Variants in OR3A2 observed in about 807,000 individuals in gnomAD.
OR3A2 encodes the protein olfactory receptor 3A2.
For synonymous variants in OR3A2, 126 were observed against 159.3 expected (o/e 0.79, Z 1.57); for missense variants, 318 against 392.8 (o/e 0.81, Z 1.61).
intron 3 of OR3A2, among the ~76,000 whole-genome samples, chr17:3,308,086 G>A (rs563759675): frequency 1.3e-5 from 2 of 152,254 alleles, no homozygotes; most frequent in Admixed American, 1.3e-4. Context: ...AATGAATTTT[G>A]CCATATTGAA....
chr17:3,278,338 T>C, exon 2 of OR3A2: 1 of 1,614,212 alleles, frequency 6.2e-7, no homozygotes. Flanking sequence ...AGTTGGGTGC[T>C]GGAGCAGGAG....
intron 2 of OR3A2, among the ~76,000 whole-genome samples, chr17:3,378,944 A>G (rs978031627): frequency 3.9e-5 from 6 of 152,164 alleles, no homozygotes; most frequent in African/African-American, 1.4e-4. Flanking sequence ...TGAAAGAATC[A>G]TCAGTTTACT....
At chr17:3,374,961 T>C (rs1048612133) in intron 2 of OR3A2, among the ~76,000 whole-genome samples, 1 of 152,040 alleles carries the variant, frequency 6.6e-6, no homozygotes, top group African/African-American at 2.4e-5. Flanking sequence ...CATACAATGT[T>C]TGGTTTTCTA....
chr17:3,280,507 G>A (rs992432308), intron 1 of OR3A2, among the ~76,000 whole-genome samples: 1 of 152,054 alleles, frequency 6.6e-6, no homozygotes, highest in African/African-American at 2.4e-5. Flanking sequence ...CTCCTGACCT[G>A]GTGATCCGCC....
Position 3,292,664 on chromosome 17 carries a change from C to T in OR3A2, c.-84-13511G>A, listed in dbSNP as rs1413490155. 3.2e-6 allele frequency: 4 copies of T among 1,268,060 alleles called. No individual in the cohort carries two copies. In the South Asian group the frequency reaches 4.5e-5, roughly 14 times the overall value. The allele number at this position is 1,268,060 out of a possible 1,614,324, so 78.6% of individuals were successfully genotyped here. ...TTTACTCAAGAAAAAGAAACAGACC[C>T]CCTTCTACTTGCCCGGCCCTCTGCC... On this transcript the variant is annotated intron_variant, in intron 3 of 4. Transcript: ENST00000573491.
intron 2 of OR3A2, among the ~76,000 whole-genome samples, chr17:3,341,477 A>G (rs971377893): frequency 1.3e-5 from 2 of 152,170 alleles, no homozygotes; most frequent in Non-Finnish European, 2.9e-5. Flanking sequence ...AAAATCTCTC[A>G]GCATTTGCTT....
chr17:3,342,614 A>G (rs970404473), intron 2 of OR3A2, among the ~76,000 whole-genome samples: 2 of 152,210 alleles, frequency 1.3e-5, no homozygotes, highest in Non-Finnish European at 2.9e-5. Context: ...CAAATATTGC[A>G]GAACAGCAAA....
At chr17:3,277,962 A>G in exon 2 of OR3A2, 2 of 1,585,826 alleles carry the variant, frequency 1.3e-6, no homozygotes, top group Non-Finnish European at 1.7e-6. Flanking sequence ...GAGGGACCCC[A>G]TTACCTCTCA....
chr17:3,355,670 T>A (rs1377545884), intron 2 of OR3A2, among the ~76,000 whole-genome samples: 1 of 151,412 alleles, frequency 6.6e-6, no homozygotes, highest in East Asian at 1.9e-4. Context: ...TGGCATGGAA[T>A]CTTTTTCCAT....
intron 2 of OR3A2, among the ~76,000 whole-genome samples, chr17:3,360,637 G>T (rs1638538636): frequency 6.6e-6 from 1 of 151,590 alleles, no homozygotes; most frequent in African/African-American, 2.4e-5. Context: ...TCTACATATG[G>T]CTAGCCAGTT....
intron 2 of OR3A2, among the ~76,000 whole-genome samples, chr17:3,374,515 T>C (rs923822018): frequency 6.6e-6 from 1 of 152,212 alleles, no homozygotes; most frequent in Non-Finnish European, 1.5e-5. Context: ...TCAGATTGTG[T>C]TAATTTGAAA....
chr17:3,296,767 G>C (rs1242075494), intron 3 of OR3A2, among the ~76,000 whole-genome samples: 1 of 152,020 alleles, frequency 6.6e-6, no homozygotes, highest in African/African-American at 2.4e-5. Context: ...ATTACTATGG[G>C]AAAAAGATAC....
intron 3 of OR3A2, among the ~76,000 whole-genome samples, chr17:3,318,750 T>C (rs534046851): frequency 1.9e-4 from 29 of 152,328 alleles, no homozygotes; most frequent in Middle Eastern, 6.8e-3. Context: ...TCCACAGCTA[T>C]TTCCCTAAAT....
intron 3 of OR3A2, among the ~76,000 whole-genome samples, chr17:3,325,336 A>G (rs1267054748): frequency 6.6e-6 from 1 of 150,754 alleles, no homozygotes; most frequent in African/African-American, 2.4e-5. Context: ...CAGCCTCCTG[A>G]GTAGCTGGGA....
chr17:3,349,446 T>C (rs986650602), intron 2 of OR3A2, among the ~76,000 whole-genome samples: 29 of 151,746 alleles, frequency 1.9e-4, no homozygotes, highest in African/African-American at 4.1e-4. Flanking sequence ...GGCCATTACA[T>C]AATGGTAAAG....
intron 2 of OR3A2, among the ~76,000 whole-genome samples, chr17:3,369,355 T>C (rs781597064): frequency 6.6e-6 from 1 of 152,174 alleles, no homozygotes; most frequent in Non-Finnish European, 1.5e-5. Flanking sequence ...CCGTTCAGTA[T>C]AATGTTGGCT....
chr17:3,320,138 G>A lies in OR3A2; in HGVS notation c.-85+15895C>T, dbSNP rs1342755052. Among the ~76,000 whole-genome samples, 6 of 152,116 alleles carry A rather than the reference G, an allele frequency of 3.9e-5. No homozygotes were observed. In the East Asian group the frequency reaches 7.7e-4, roughly 20 times the overall value. ...TTTCTCTGATGGCCAGTGATGATGA[G>A]CATTTTTTCATGTGTTTTTTGGCTG... On this transcript the variant is annotated intron_variant, in intron 3 of 4. Transcript: ENST00000573491.
intron 3 of OR3A2, among the ~76,000 whole-genome samples, chr17:3,296,641 C>T (rs1400805688): frequency 6.6e-6 from 1 of 152,004 alleles, no homozygotes; most frequent in African/African-American, 2.4e-5. Flanking sequence ...AAAGTACTTA[C>T]AAAGTCACTT....
At chr17:3,384,610 G>A (rs1310347612) in intron 1 of OR3A2, among the ~76,000 whole-genome samples, 1 of 152,022 alleles carries the variant, frequency 6.6e-6, no homozygotes, top group East Asian at 1.9e-4. Flanking sequence ...AATTAATAAA[G>A]TATTAAACAT....
Sources: allele counts gnomAD v4.1 joint callset (sites outside exome capture counted in the v4.1 genomes callset), GRCh38; gene constraint gnomAD v4.1.1; transcripts MANE v1.5; gene names NCBI Gene and HGNC (gene_info 2026-07-23, HGNC 2026-07-21).